Variants in TOP6BL observed in about 807,000 individuals in gnomAD.
The protein encoded by TOP6BL is type 2 DNA topoisomerase 6 subunit B-like.
the TOP6BL span, among the ~76,000 whole-genome samples, chr11:66,799,492 T>C: frequency 6.6e-6 from 1 of 150,806 alleles, no homozygotes; most frequent in African/African-American, 2.4e-5. Flanking sequence ...GATCACTCAC[T>C]TGGGTGGTCA....
At chr11:66,791,471 T>G in the TOP6BL span, among the ~76,000 whole-genome samples, 1 of 152,304 alleles carries the variant, frequency 6.6e-6, no homozygotes, top group South Asian at 2.1e-4. Context: ...ATCTATATAT[T>G]TATACATCTG....
At chr11:66,764,203 G>T in the TOP6BL span, among the ~76,000 whole-genome samples, 32 of 152,140 alleles carry the variant, frequency 2.1e-4, no homozygotes, top group Admixed American at 6.5e-4. Context: ...CTGAATCCAA[G>T]TTCAAGAATC....
the TOP6BL span, chr11:66,762,405 A>G: frequency 5.2e-5 from 18 of 345,174 alleles, no homozygotes; most frequent in Non-Finnish European, 2.1e-5. Flanking sequence ...AGCATGGCGG[A>G]GAGGACTGCG....
the TOP6BL span, among the ~76,000 whole-genome samples, chr11:66,765,537 T>C: frequency 6.6e-6 from 1 of 152,184 alleles, no homozygotes; most frequent in Non-Finnish European, 1.5e-5. Flanking sequence ...GTTTTTGAGA[T>C]GGAGTCTCAC....
the TOP6BL span, among the ~76,000 whole-genome samples, chr11:66,780,035 G>A: frequency 2.0e-5 from 3 of 150,880 alleles, no homozygotes; most frequent in South Asian, 4.2e-4. Context: ...GGGAGGGATA[G>A]CATTAGGAGA....
At chr11:66,817,155 G>GAAATAAAATAAAATA in the TOP6BL span, among the ~76,000 whole-genome samples, 1,271 of 151,632 alleles carry the variant, frequency 8.4e-3, 21 homozygotes, top group African/African-American at 0.029. Flanking sequence ...TCTGTCTCAA[G>GAAATAAAATAAAATA]AAATAAAATA....
At chr11:66,833,211 A>G in the TOP6BL span, among the ~76,000 whole-genome samples, 1 of 151,352 alleles carries the variant, frequency 6.6e-6, no homozygotes. Context: ...ACCATGCCCA[A>G]CTAATTTTTG....
the TOP6BL span, among the ~76,000 whole-genome samples, chr11:66,772,669 C>T: frequency 6.6e-6 from 1 of 152,158 alleles, no homozygotes; most frequent in Non-Finnish European, 1.5e-5. Context: ...ACTCCAAAGG[C>T]TAAGGCAGCA....
the TOP6BL span, among the ~76,000 whole-genome samples, chr11:66,767,579 A>G: frequency 6.6e-6 from 1 of 152,228 alleles, no homozygotes; most frequent in Non-Finnish European, 1.5e-5. Context: ...TTTATACAGT[A>G]TGGCCAGTTA....
At chr11:66,761,594 CT>C in the TOP6BL span, 2 of 1,175,494 alleles carry the variant, frequency 1.7e-6, no homozygotes, top group South Asian at 1.5e-5. Context: ...CTTGACAAAA[CT>C]TTTGAGGTCT....
At chr11:66,753,137 A>T in the TOP6BL span, among the ~76,000 whole-genome samples, 63,544 of 151,580 alleles carry the variant, frequency 0.42, 14,563 homozygotes, top group African/African-American at 0.61. Flanking sequence ...TCCAAAAAAA[A>T]ATATATATAT....
At chr11:66,832,657 G>A in the TOP6BL span, among the ~76,000 whole-genome samples, 3 of 152,364 alleles carry the variant, frequency 2.0e-5, no homozygotes, top group South Asian at 2.1e-4. Flanking sequence ...TCCCAGGAAC[G>A]TGTCCACTGT....
chr11:66,837,158 A>AC, the TOP6BL span, among the ~76,000 whole-genome samples: 2 of 150,268 alleles, frequency 1.3e-5, no homozygotes, highest in African/African-American at 4.9e-5. Flanking sequence ...ACAGAGTCTC[A>AC]CTCTGTCGCC....
chr11:66,791,170 A>G, the TOP6BL span, among the ~76,000 whole-genome samples: 1 of 152,202 alleles, frequency 6.6e-6, no homozygotes, highest in Admixed American at 6.5e-5. Context: ...CTCCATGGAA[A>G]AGCTATAATA....
At chr11:66,806,558 A>AGAC in the TOP6BL span, among the ~76,000 whole-genome samples, 1 of 152,226 alleles carries the variant, frequency 6.6e-6, no homozygotes. Flanking sequence ...ACTTGAGGTC[A>AGAC]GGAGTTTGAG....
the TOP6BL span, chr11:66,800,728 G>A: frequency 1.9e-5 from 29 of 1,526,572 alleles, no homozygotes; most frequent in African/African-American, 2.8e-5. Context: ...TTAAGATGAT[G>A]CTATGGCTCT....
At chr11:66,804,615 A>C in the TOP6BL span, among the ~76,000 whole-genome samples, 1 of 152,330 alleles carries the variant, frequency 6.6e-6, no homozygotes, top group Middle Eastern at 3.4e-3. Context: ...ATACTAAGTA[A>C]ATAAGTAAGT....
At chr11:66,772,790 A>G in the TOP6BL span, among the ~76,000 whole-genome samples, 1 of 152,200 alleles carries the variant, frequency 6.6e-6, no homozygotes, top group African/African-American at 2.4e-5. Flanking sequence ...GAATTTTTGC[A>G]TCTATGTTCA....
At chr11:66,765,366 G>GT in the TOP6BL span, among the ~76,000 whole-genome samples, 2 of 152,182 alleles carry the variant, frequency 1.3e-5, no homozygotes, top group Non-Finnish European at 2.9e-5. Flanking sequence ...CGTACAAAGA[G>GT]GAAGTACTGC....
Sources: allele counts gnomAD v4.1 joint callset (sites outside exome capture counted in the v4.1 genomes callset), GRCh38; gene constraint gnomAD v4.1.1; transcripts MANE v1.5; gene names NCBI Gene and HGNC (gene_info 2026-07-23, HGNC 2026-07-21).